ERG: variants seen among roughly 807,000 people sequenced by gnomAD.
The protein encoded by ERG is transcriptional regulator ERG.
In ERG, 9 loss-of-function variants were observed where a neutral mutation model predicts 55.3. The ratio of observed to expected loss-of-function variants is 0.16; its 90% CI spans 0.10 to 0.28. The LOEUF is 0.28. Ranked by LOEUF, ERG falls within the 10% of genes least tolerant of loss-of-function variation. ERG has a pLI of 1.00. For synonymous variants in ERG, 223 were observed against 237.3 expected (o/e 0.94, Z 0.55); for missense variants, 434 against 631.6 (o/e 0.69, Z 3.35).
chr21:38,443,286 C>A (rs1037261105), intron 2 of ERG, among the ~76,000 whole-genome samples: 1 of 152,232 alleles, frequency 6.6e-6, no homozygotes, highest in South Asian at 2.1e-4. Context: ...TGCCTGTTGT[C>A]CATCGGAAAT....
Position 38,382,888 on chromosome 21 carries a change from G to A in ERG, c.*515C>T. On this transcript the variant is annotated 3_prime_UTR_variant, in exon 10 of 10. Coordinates refer to ENST00000288319, the MANE Select transcript of ERG (RefSeq NM_182918.4). ...CCAAAACAGCACATGCCATGCAGTT[G>A]CATATCAACGTCTGTTGATGGGCCA... 1 of 1,066,394 alleles carries A rather than the reference G, an allele frequency of 9.4e-7. No individual in the cohort carries two copies. The highest frequency in any genetic ancestry group is 4.5e-5 in the South Asian group (1 of 21,980). 66.1% of individuals were successfully genotyped at this position (1,066,394 alleles called of 1,614,324 possible).
chr21:38,435,955 G>A (rs1990422640), intron 2 of ERG, among the ~76,000 whole-genome samples: 1 of 151,822 alleles, frequency 6.6e-6, no homozygotes, highest in South Asian at 2.1e-4. Flanking sequence ...CCAGTATGGT[G>A]CTTCATGTTT....
chr21:38,512,357 T>C lies in ERG; in HGVS notation c.-41+63305A>G, dbSNP rs528943709. On this transcript the variant is annotated intron_variant, in intron 2 of 8. Transcript: ENST00000398897. ...GGAGGAAAAAGCATTGACATTCGTG[T>C]ATAATGGGAATAAAATAATTTATCC... Among the ~76,000 whole-genome samples, 10 of 152,360 alleles carry C rather than the reference T, an allele frequency of 6.6e-5. No homozygotes were observed. The South Asian group carries it at 1.7e-3, about 25-fold the overall frequency.
At chr21:38,594,078 A>G (rs1042205101) in intron 1 of ERG, among the ~76,000 whole-genome samples, 1 of 152,228 alleles carries the variant, frequency 6.6e-6, no homozygotes, top group Non-Finnish European at 1.5e-5. Flanking sequence ...GGGAATTTCA[A>G]AGAACCTTGA....
chr21:38,391,847 G>A, intron 7 of ERG, 132 bp from the exon 8 acceptor site: 1 of 648,834 alleles, frequency 1.5e-6, no homozygotes. Context: ...GCATCTCACG[G>A]TAAGGAAAAA....
At chr21:38,484,731 T>C (rs1340407505) in intron 1 of ERG, among the ~76,000 whole-genome samples, 1 of 152,172 alleles carries the variant, frequency 6.6e-6, no homozygotes, top group African/African-American at 2.4e-5. Flanking sequence ...AGACTGCAGA[T>C]AGGACGAGGG....
intron 2 of ERG, among the ~76,000 whole-genome samples, chr21:38,553,156 G>A (rs947082422): frequency 2.0e-5 from 3 of 152,040 alleles, no homozygotes; most frequent in Non-Finnish European, 4.4e-5. Flanking sequence ...TCTATGACAA[G>A]TATTACAAAA....
In ERG at chr21:38,381,618, T is replaced by C. The variant is rs1382674715; in HGVS notation, c.*1785A>G. 1 of 1,063,314 alleles carries C rather than the reference T, an allele frequency of 9.4e-7. No individual in the cohort carries two copies. Among genetic ancestry groups the C allele is most frequent in the Non-Finnish European group, 1.1e-6 (1 of 878,112 alleles). The allele number at this position is 1,063,314 out of a possible 1,614,324, so 65.9% of individuals were successfully genotyped here. A position where few individuals can be genotyped will look rare whatever the true frequency, so the allele number is the denominator to read the frequency against. ...TCCATGACGCTTTATTTGCCAGTAA[T>C]AATACAGTTTGCCTTACGAGTGGTA... On this transcript the variant is annotated 3_prime_UTR_variant, in exon 10 of 10. Transcript: ENST00000288319.
At chr21:38,479,170 A>G (rs559957775) in intron 1 of ERG, among the ~76,000 whole-genome samples, 145 of 152,312 alleles carry the variant, frequency 9.5e-4, no homozygotes, top group African/African-American at 3.5e-3. Context: ...TTATTTTTTC[A>G]TCAACAAAAC....
Position 38,460,479 on chromosome 21 carries a change from A to G in ERG, c.19-14858T>C, listed in dbSNP as rs1409488542. Among the ~76,000 whole-genome samples the G allele has an allele frequency of 6.6e-6, 1 of 152,260 alleles. No homozygotes were observed. The highest frequency in any genetic ancestry group is 2.4e-5 in the African/African-American group (1 of 41,472). On this transcript the variant is annotated intron_variant, in intron 1 of 9. Coordinates refer to ENST00000288319, the MANE Select transcript of ERG (RefSeq NM_182918.4). The surrounding 1 kb of genome is among the most constrained non-coding windows in gnomAD (Gnocchi z 5.0). ...AATGTGATGAGAATGCATATATTGC[A>G]TATGCCATGTGTACACCAAAAGCCA...
At chr21:38,438,194 C>A (rs1164878273) in intron 2 of ERG, among the ~76,000 whole-genome samples, 1 of 152,214 alleles carries the variant, frequency 6.6e-6, no homozygotes, top group African/African-American at 2.4e-5. Flanking sequence ...TCAAACATCA[C>A]TTTTTTGTGA....
chr21:38,370,472 TTA>T, the ERG span, among the ~76,000 whole-genome samples: 7 of 152,144 alleles, frequency 4.6e-5, no homozygotes, highest in African/African-American at 1.7e-4. Flanking sequence ...GTTGTAGTTT[TTA>T]TGTCTTGTTT....
chr21:38,536,082 CT>C (rs2059707852), intron 2 of ERG, among the ~76,000 whole-genome samples: 2 of 152,122 alleles, frequency 1.3e-5, no homozygotes, highest in African/African-American at 4.8e-5. Flanking sequence ...AATTAGCCCC[CT>C]CTCTACTCCT....
In ERG at chr21:38,573,586, GA is replaced by G. The variant is rs1195119313; in HGVS notation, c.-41+2075del. Among the ~76,000 whole-genome samples the G allele has an allele frequency of 2.6e-5, 4 of 152,202 alleles. No individual in the cohort carries two copies. The East Asian group carries it at 7.7e-4, about 29-fold the overall frequency. ...ACATCCAGGCATAGTACCTTCCCTTGAACTTAATTATGACATAGATTCTTTT... is the reference window on the plus strand; with the variant it reads ...ACATCCAGGCATAGTACCTTCCCTTGACTTAATTATGACATAGATTCTTTT... On this transcript the variant is annotated intron_variant, in intron 2 of 8. Transcript: ENST00000398897.
At chr21:38,539,234 G>A (rs2146790963) in intron 2 of ERG, among the ~76,000 whole-genome samples, 1 of 152,270 alleles carries the variant, frequency 6.6e-6, no homozygotes, top group East Asian at 1.9e-4. Context: ...AGTCTAAATG[G>A]CAACCACTAG....
chr21:38,613,007 C>T (rs748637537), intron 1 of ERG, among the ~76,000 whole-genome samples: 17 of 151,992 alleles, frequency 1.1e-4, no homozygotes, highest in Non-Finnish European at 2.2e-4. Context: ...ACCATGTTAA[C>T]GATCTGTAGA....
At chr21:38,649,036 G>A (rs1056510042) in intron 1 of ERG, among the ~76,000 whole-genome samples, 4 of 152,168 alleles carry the variant, frequency 2.6e-5, no homozygotes, top group African/African-American at 9.7e-5. Flanking sequence ...TCATGCCCCT[G>A]AATCCACCCA....
At chr21:38,493,851 T>C (rs2059358005) in intron 1 of ERG, among the ~76,000 whole-genome samples, 1 of 152,184 alleles carries the variant, frequency 6.6e-6, no homozygotes, top group South Asian at 2.1e-4. Context: ...GTACCCTGCC[T>C]GGGTGTGGGA....
At chr21:38,441,171 C>G (rs895333715) in intron 2 of ERG, among the ~76,000 whole-genome samples, 5 of 152,208 alleles carry the variant, frequency 3.3e-5, no homozygotes, top group Non-Finnish European at 7.3e-5. Flanking sequence ...CAATGGGTCA[C>G]CAGTCACTGA....
Sources: allele counts gnomAD v4.1 joint callset (sites outside exome capture counted in the v4.1 genomes callset), GRCh38; gene constraint gnomAD v4.1.1; non-coding constraint Gnocchi (gnomAD v3.1); transcripts MANE v1.5; gene names NCBI Gene and HGNC (gene_info 2026-07-23, HGNC 2026-07-21).